PKHD1: variants seen among roughly 807,000 people sequenced by gnomAD.
PKHD1 encodes the protein fibrocystin.
In PKHD1, 291 loss-of-function variants were observed where a neutral mutation model predicts 412.0. The ratio of observed to expected loss-of-function variants is 0.71; its 90% confidence interval spans 0.64 to 0.78. The LOEUF (loss-of-function observed/expected upper bound fraction) is 0.78, where lower values mean the gene tolerates loss of function less well. Ranked by LOEUF, PKHD1 falls within the 30% of genes least tolerant of loss-of-function variation. The probability of loss-of-function intolerance (pLI) is 0.00; values close to 1 mark genes in which losing one functional copy is unlikely to be tolerated. For synonymous variants in PKHD1, 1,777 were observed against 1,821.5 expected (o/e 0.98, Z 0.62); for missense variants, 4,825 against 4,950.7 (o/e 0.97, Z 0.76).
At chr6:52,054,819 C>T (rs1807452685) in intron 19 of PKHD1, among the ~76,000 whole-genome samples, 1 of 152,156 alleles carries the variant, frequency 6.6e-6, no homozygotes, top group Admixed American at 6.5e-5. Context: ...GGGGCAAAAT[C>T]ACCTCCACTG....
At chr6:51,739,383 A>G (rs1784277487) in intron 60 of PKHD1, among the ~76,000 whole-genome samples, 1 of 152,044 alleles carries the variant, frequency 6.6e-6, no homozygotes, top group Admixed American at 6.6e-5. Flanking sequence ...GGCATGTGCC[A>G]TCATACCTGG....
chr6:51,732,524 A>G (rs1343826062), intron 60 of PKHD1, among the ~76,000 whole-genome samples: 1 of 152,220 alleles, frequency 6.6e-6, no homozygotes, highest in Non-Finnish European at 1.5e-5. Context: ...ATTCAAATTA[A>G]CAATGACTCC....
At position 52,025,757 on chromosome 6, in the gene PKHD1, T is replaced by C. The variant is rs1802062861; in HGVS notation, c.4053A>G (p.Gly1351=). ...QSFQGNVSLS[G]CSIPLHSLEA... ...CCAGACTGTGAAGAGGGATGGAGCA[T>C]CCAGACAGGCTCACGTTGCCCTGGA... is the stretch of plus-strand genomic sequence containing the variant. The change falls in exon 32 of 67, where the codon GGA becomes GGG. Residue 1351 remains glycine, a synonymous_variant. Coordinates refer to ENST00000371117, the MANE Select transcript of PKHD1 (RefSeq NM_138694.4). 3.1e-6 allele frequency: 5 copies of C among 1,614,066 alleles called. No homozygotes were observed. The highest frequency in any genetic ancestry group is 3.3e-5 in the Admixed American group (2 of 60,004).
chr6:52,037,746 T>C (rs1383841654), intron 27 of PKHD1, among the ~76,000 whole-genome samples: 1 of 152,228 alleles, frequency 6.6e-6, no homozygotes, highest in Admixed American at 6.5e-5. Context: ...AGGCAATAAA[T>C]TATGCAACCT....
At chr6:51,867,777 A>G in intron 48 of PKHD1, 86 bp downstream of exon 48, 1 of 1,243,218 alleles carries the variant, frequency 8.0e-7, no homozygotes, top group Non-Finnish European at 1.2e-6. Flanking sequence ...AATCTAGAAA[A>G]CAATTTCCCT....
At chr6:51,794,906 G>A (rs549413516) in intron 52 of PKHD1, among the ~76,000 whole-genome samples, 2 of 152,248 alleles carry the variant, frequency 1.3e-5, no homozygotes, top group South Asian at 4.2e-4. Context: ...GTACCATGCT[G>A]TTTGGTTATG....
intron 60 of PKHD1, among the ~76,000 whole-genome samples, chr6:51,720,619 C>A (rs955375527): frequency 1.4e-4 from 22 of 152,092 alleles, no homozygotes; most frequent in African/African-American, 5.3e-4. Flanking sequence ...TCCCCACCAC[C>A]ACTATTCTAA....
intron 60 of PKHD1, among the ~76,000 whole-genome samples, chr6:51,723,951 C>T (rs1782241945): frequency 6.6e-6 from 1 of 152,112 alleles, no homozygotes; most frequent in Non-Finnish European, 1.5e-5. Context: ...CTACCACCTC[C>T]CCAACAAGTG....
intron 57 of PKHD1, 46 bp downstream of exon 57, chr6:51,753,155 A>C (rs1562234787): frequency 6.4e-7 from 1 of 1,550,850 alleles, no homozygotes; most frequent in Non-Finnish European, 8.9e-7. Context: ...GTCCCAGATG[A>C]ATAGGCTCCA....
At chr6:51,856,589 G>A (rs1448045987) in intron 48 of PKHD1, among the ~76,000 whole-genome samples, 2 of 152,166 alleles carry the variant, frequency 1.3e-5, no homozygotes, top group Non-Finnish European at 1.5e-5. Flanking sequence ...AATTGACAGA[G>A]GCCTGGGACC....
chr6:51,899,093 A>G (rs898977406), intron 43 of PKHD1, among the ~76,000 whole-genome samples: 5 of 152,222 alleles, frequency 3.3e-5, no homozygotes, highest in Admixed American at 1.3e-4. Context: ...AGGTACAAGG[A>G]GGAACTGGTA....
intron 35 of PKHD1, 21 bp from the exon 36 acceptor site, chr6:51,960,047 T>A (rs1381502574): frequency 1.2e-6 from 2 of 1,612,570 alleles, no homozygotes; most frequent in South Asian, 1.1e-5. Flanking sequence ...GAGAGCTGGG[T>A]TGGTGGGTTG....
chr6:52,082,344 C>T (rs1812162224), intron 4 of PKHD1, 48 bp downstream of exon 4: 1 of 1,595,762 alleles, frequency 6.3e-7, no homozygotes, highest in Admixed American at 1.7e-5. Flanking sequence ...CTGAGATAAG[C>T]AAAAATCCCT....
At chr6:51,761,148 C>T (rs752415537) in intron 55 of PKHD1, among the ~76,000 whole-genome samples, 10 of 151,906 alleles carry the variant, frequency 6.6e-5, no homozygotes, top group Non-Finnish European at 1.5e-4. Flanking sequence ...ACATTATTCG[C>T]AAGAGCCAAA....
intron 60 of PKHD1, among the ~76,000 whole-genome samples, chr6:51,728,262 G>A (rs181775617): frequency 6.6e-6 from 1 of 152,094 alleles, no homozygotes; most frequent in Non-Finnish European, 1.5e-5. Flanking sequence ...AACCTGGCAG[G>A]GTCTACGATG....
intron 29 of PKHD1, 117 bp from the exon 30 acceptor site, chr6:52,028,468 T>C: frequency 2.1e-6 from 2 of 938,042 alleles, no homozygotes; most frequent in Non-Finnish European, 3.3e-6. Context: ...TGCATAATAC[T>C]CTTAAGAGTT....
intron 52 of PKHD1, among the ~76,000 whole-genome samples, chr6:51,825,045 T>C (rs1271644640): frequency 6.6e-6 from 1 of 152,198 alleles, no homozygotes; most frequent in Non-Finnish European, 1.5e-5. Context: ...TTCTTATTCA[T>C]GCAAGCCAAC....
chr6:52,055,796 T>G (rs909359174), intron 18 of PKHD1, 67 bp from the exon 19 acceptor site: 1 of 1,532,518 alleles, frequency 6.5e-7, no homozygotes, highest in Non-Finnish European at 9.0e-7. Context: ...CTTCCCTACA[T>G]GTGTGCATGA....
In PKHD1 at chr6:51,627,083, G is replaced by A. The variant is rs746645550; in HGVS notation, c.11699C>T (p.Thr3900Ile). The stretch of plus-strand genomic sequence containing the variant: ...GTGGATATGAATATTTTGATTATTA[G>A]TCTGGGATTCAGGAATCTCTTCAGG... ...TKPEEIPESQ[T>I]NNQNIHIHIS... Residue 3900 changes from threonine to isoleucine, a missense_variant, in exon 66 of 67, where the codon ACT becomes ATT. Transcript: ENST00000371117. 1 of 1,610,126 alleles carries A rather than the reference G, an allele frequency of 6.2e-7. No homozygotes were observed. The highest frequency in any genetic ancestry group is 1.3e-5 in the African/African-American group (1 of 74,886).
Sources: allele counts gnomAD v4.1 joint callset (sites outside exome capture counted in the v4.1 genomes callset), GRCh38; gene constraint gnomAD v4.1.1; transcripts MANE v1.5; gene names NCBI Gene and HGNC (gene_info 2026-07-23, HGNC 2026-07-21).